TENM2: variants seen among roughly 807,000 people sequenced by gnomAD.
TENM2 encodes teneurin-2.
A neutral mutation model predicts 245.2 loss-of-function variants in TENM2; 52 were observed. The observed-to-expected ratio is 0.21, with a 90% confidence interval of 0.17 to 0.27. TENM2 has a LOEUF of 0.27. TENM2 is among the 10% of genes least tolerant of loss of function. The pLI, the probability that TENM2 is intolerant of heterozygous loss-of-function variation, is 1.00. For synonymous variants in TENM2, 1,363 were observed against 1,438.9 expected (o/e 0.95, Z 1.19); for missense variants, 3,046 against 3,666.8 (o/e 0.83, Z 4.37).
In TENM2 at chr5:167,475,353, T is replaced by C. The variant is rs1419341735; in HGVS notation, c.502+99880T>C. Among the ~76,000 whole-genome samples the C allele has an allele frequency of 3.9e-5, 6 of 152,188 alleles. 1 individual carries two copies. The highest frequency in any genetic ancestry group is 1.4e-4 in the African/African-American group (6 of 41,460). On this transcript the variant is annotated intron_variant, in intron 2 of 28. Transcript: ENST00000518659. ...TATGTACATTATACCTGCCAATATT[T>C]ACTGATTAAAAATAAAACTGAGAAA...
chr5:168,060,612 A>C (rs2152089996), intron 6 of TENM2, among the ~76,000 whole-genome samples: 1 of 152,306 alleles, frequency 6.6e-6, no homozygotes, highest in East Asian at 1.9e-4. Flanking sequence ...GGTTATTCTT[A>C]AGATCGAAAC....
chr5:167,586,677 A>T (rs563240740), intron 2 of TENM2, among the ~76,000 whole-genome samples: 15 of 152,240 alleles, frequency 9.9e-5, no homozygotes, highest in African/African-American at 2.9e-4. Flanking sequence ...GAGGTAATTT[A>T]AAAAATGGAA....
At chr5:167,049,667 C>T in the TENM2 span, among the ~76,000 whole-genome samples, 11 of 152,134 alleles carry the variant, frequency 7.2e-5, no homozygotes, top group African/African-American at 2.4e-4. Context: ...TTATTGAATG[C>T]TTATTAAGCC....
intron 2 of TENM2, among the ~76,000 whole-genome samples, chr5:167,402,555 T>C (rs961302151): frequency 1.1e-4 from 17 of 152,180 alleles, no homozygotes; most frequent in Admixed American, 3.9e-4. Context: ...GTCTGACTTA[T>C]GAAGAGATTA....
intron 2 of TENM2, among the ~76,000 whole-genome samples, chr5:167,540,127 C>G (rs1412425689): frequency 6.6e-6 from 1 of 152,028 alleles, no homozygotes; most frequent in African/African-American, 2.4e-5. Context: ...TAGGCTCAAG[C>G]AACAAGGAAG....
intron 2 of TENM2, among the ~76,000 whole-genome samples, chr5:167,510,862 C>T (rs899551478): frequency 1.3e-5 from 2 of 151,820 alleles, no homozygotes; most frequent in Non-Finnish European, 2.9e-5. Context: ...CACTATGTTT[C>T]CAAACACAGA....
intron 7 of TENM2, among the ~76,000 whole-genome samples, chr5:168,073,761 C>G (rs765078934): frequency 6.6e-6 from 1 of 152,242 alleles, no homozygotes; most frequent in African/African-American, 2.4e-5. Flanking sequence ...CGGTTTCTAA[C>G]TGTTTCCCCT....
intron 5 of TENM2, among the ~76,000 whole-genome samples, chr5:167,994,410 C>A (rs1019934108): frequency 2.0e-5 from 3 of 152,214 alleles, no homozygotes; most frequent in African/African-American, 7.2e-5. Context: ...AGGCAGCAAG[C>A]ATGGTATCTG....
At chr5:168,223,899 T>C (rs1202565359) in intron 23 of TENM2, among the ~76,000 whole-genome samples, 1 of 148,462 alleles carries the variant, frequency 6.7e-6, no homozygotes, top group Non-Finnish European at 1.5e-5. Flanking sequence ...TCCATATAGA[T>C]ACTGATATTT....
intron 9 of TENM2, among the ~76,000 whole-genome samples, chr5:168,117,577 A>T (rs1024490332): frequency 6.6e-6 from 1 of 152,226 alleles, no homozygotes; most frequent in African/African-American, 2.4e-5. Context: ...TAATTTCTCT[A>T]AATTCCTTAT....
intron 2 of TENM2, among the ~76,000 whole-genome samples, chr5:167,649,704 C>G (rs1446070330): frequency 6.6e-6 from 1 of 152,110 alleles, no homozygotes; most frequent in Non-Finnish European, 1.5e-5. Context: ...ATTAGTTACT[C>G]AGACTGTCAT....
At position 167,794,475 on chromosome 5, in the gene TENM2, A is replaced by G. The variant is rs116508517; in HGVS notation, c.503-81511A>G. On this transcript the variant is annotated intron_variant, in intron 2 of 28. Transcript: ENST00000518659. ...GGCTCCTTTACAATATGCATTTGCT[A>G]TCAACATGATTGGCAATGATTCAGT... Among the ~76,000 whole-genome samples, 814 of 152,344 alleles carry G rather than the reference A, an allele frequency of 5.3e-3. 4 individuals carry two copies. Among genetic ancestry groups the G allele is most frequent in the Non-Finnish European group, 9.3e-3 (635 of 68,030 alleles).
At chr5:167,095,774 T>C in the TENM2 span, among the ~76,000 whole-genome samples, 1 of 151,054 alleles carries the variant, frequency 6.6e-6, no homozygotes, top group African/African-American at 2.4e-5. Context: ...CTTTCTTTTT[T>C]TTTTTTTTTT....
chr5:167,026,244 A>G, the TENM2 span, among the ~76,000 whole-genome samples: 2 of 152,222 alleles, frequency 1.3e-5, no homozygotes, highest in Non-Finnish European at 2.9e-5. Flanking sequence ...TTAAAAACAA[A>G]TGGTTGCTAG....
chr5:168,186,010 A>G (rs967575194), intron 13 of TENM2: 6 of 140,490 alleles, frequency 4.3e-5, no homozygotes, highest in South Asian at 4.5e-4. Context: ...ATATATATAT[A>G]TATAAATTTA....
At chr5:168,044,143 C>T (rs879420592) in intron 5 of TENM2, among the ~76,000 whole-genome samples, 7 of 152,140 alleles carry the variant, frequency 4.6e-5, no homozygotes, top group South Asian at 2.1e-4. Flanking sequence ...TGGTGGGGCG[C>T]GGTGGCTCAC....
intron 2 of TENM2, among the ~76,000 whole-genome samples, chr5:167,434,521 C>G (rs1246951765): frequency 6.7e-6 from 1 of 150,182 alleles, no homozygotes; most frequent in Non-Finnish European, 1.5e-5. Flanking sequence ...AATACTCAAC[C>G]AAATTGTTTT....
At chr5:168,125,646 C>A (rs1411684741) in intron 11 of TENM2, among the ~76,000 whole-genome samples, 3 of 152,044 alleles carry the variant, frequency 2.0e-5, no homozygotes, top group African/African-American at 7.3e-5. Flanking sequence ...CGCCCCCTTC[C>A]TCTGGGTAGT....
At chr5:167,518,562 GAC>G (rs2127579036) in intron 2 of TENM2, among the ~76,000 whole-genome samples, 2 of 152,220 alleles carry the variant, frequency 1.3e-5, no homozygotes, top group South Asian at 4.1e-4. Flanking sequence ...ATGTTTTAAC[GAC>G]AGTGACTGGA....
Sources: gnomAD v4.1 joint callset for allele counts (sites outside exome capture counted in the v4.1 genomes callset) on GRCh38, gnomAD v4.1.1 for gene constraint, MANE v1.5 for transcripts, NCBI Gene and HGNC (gene_info 2026-07-23, HGNC 2026-07-21) for gene names.